HECTD4: variants seen among roughly 807,000 people sequenced by gnomAD.
The protein encoded by HECTD4 is HECT domain E3 ubiquitin protein ligase 4.
HECTD4 carries 114 observed loss-of-function variants against 471.5 expected under a neutral mutation model. The ratio of observed to expected loss-of-function variants is 0.24; its 90% CI spans 0.21 to 0.28. HECTD4 has a LOEUF of 0.28. Ranked by LOEUF, HECTD4 falls within the 10% of genes least tolerant of loss-of-function variation. HECTD4 has a pLI of 1.00. For missense variants in HECTD4, 3,866 were observed against 5,651.5 expected (o/e 0.68, Z 10.13); for synonymous variants, 2,012 against 2,256.0 (o/e 0.89, Z 3.07).
At position 112,163,438 on chromosome 12, in the gene HECTD4, C is replaced by T; in HGVS notation, c.12897+104G>A. ...ATACAGGTCTGTGGCAAGGACAGAG[C>T]TGAGACAGGCCACTGCCGATGCCTG... On this transcript the variant is annotated intron_variant, in intron 74 of 75. Coordinates refer to ENST00000682272, the MANE Select transcript of HECTD4 (RefSeq NM_001388303.1). This position sits in a 1 kb window ranked among gnomAD's most constrained non-coding sequence, Gnocchi z 8.2. 2.7e-6 allele frequency: 3 copies of T among 1,125,518 alleles called. No homozygotes were observed. The highest frequency in any genetic ancestry group is 3.7e-6 in the Non-Finnish European group (3 of 803,262). The allele number at this position is 1,125,518 out of a possible 1,614,324, so 69.7% of individuals were successfully genotyped here.
In HECTD4 at chr12:112,161,700, C is replaced by G. The variant is rs1414672491; in HGVS notation, c.*687G>C. ...TTAAGTCTCCTGCTCCCGAGGAGGC[C>G]TCAGATGAAAACTGTCAGACCAGGG... On this transcript the variant is annotated 3_prime_UTR_variant, in exon 76 of 76. Transcript: ENST00000682272. The G allele has an allele frequency of 6.6e-6, 1 of 152,184 alleles. No homozygotes were observed. The highest frequency in any genetic ancestry group is 2.4e-5 in the African/African-American group (1 of 41,406). The allele number at this position is 152,184 out of a possible 1,614,324, so 9.4% of individuals were successfully genotyped here. A position where few individuals can be genotyped will look rare whatever the true frequency, so the allele number is the denominator to read the frequency against.
At position 112,319,817 on chromosome 12, in the gene HECTD4, A is replaced by G. The variant is rs2035549066; in HGVS notation, c.178-75T>C. The G allele has an allele frequency of 9.1e-7, 1 of 1,098,066 alleles. No homozygotes were observed. The highest frequency in any genetic ancestry group is 1.2e-6 in the Non-Finnish European group (1 of 864,114). The allele number at this position is 1,098,066 out of a possible 1,614,324, so 68.0% of individuals were successfully genotyped here. On this transcript the variant is annotated intron_variant, in intron 1 of 75. Transcript: ENST00000682272. This position sits in a 1 kb window ranked among gnomAD's most constrained non-coding sequence, Gnocchi z 5.3. Reference sequence around the variant, plus strand: ...TCATCTAAGGAAGAAAATATGTTTAATGATATCCCAAAATAGTCAACGCCA... The same window carrying G: ...TCATCTAAGGAAGAAAATATGTTTAGTGATATCCCAAAATAGTCAACGCCA...
In HECTD4 at chr12:112,239,227, C is replaced by G; in HGVS notation, c.5115G>C (p.Glu1705Asp). The G allele has an allele frequency of 6.2e-7, 1 of 1,610,394 alleles. No individual in the cohort carries two copies. The highest frequency in any genetic ancestry group is 8.5e-7 in the Non-Finnish European group (1 of 1,178,378). Reference protein sequence around the residue: ...LCTIPYTRSEEKCLVRSGLVQ... With the variant: ...LCTIPYTRSEDKCLVRSGLVQ... ...CAAGGCCACTGCGTACCAGGCACTT[C>G]TCTTCGCTCCTGACAAAGGGTCATG... Residue 1705 changes from glutamate to aspartate, a missense_variant, in exon 34 of 76, where the codon GAG becomes GAC. This residue lies in a region of HECTD4 where 229 missense variants were observed against 386.4 expected (regional missense o/e 0.59). Coordinates refer to ENST00000682272, the MANE Select transcript of HECTD4 (RefSeq NM_001388303.1). This position sits in a 1 kb window ranked among gnomAD's most constrained non-coding sequence, Gnocchi z 4.9.
At chr12:112,221,869 C>T (rs972632049) in intron 44 of HECTD4, among the ~76,000 whole-genome samples, 8 of 151,610 alleles carry the variant, frequency 5.3e-5, no homozygotes, top group Non-Finnish European at 1.2e-4. Context: ...ATTCTCCTGC[C>T]TCAGCCTCCT....
chr12:112,252,656 CT>C, intron 22 of HECTD4, 128 bp from the exon 23 acceptor site: 6 of 1,094,322 alleles, frequency 5.5e-6, no homozygotes, highest in Admixed American at 2.4e-5. Context: ...TTCTCATTTG[CT>C]TTTTGATTCA....
At chr12:112,374,792 G>A (rs893738758) in intron 1 of HECTD4, among the ~76,000 whole-genome samples, 2 of 152,222 alleles carry the variant, frequency 1.3e-5, no homozygotes, top group East Asian at 1.9e-4. Flanking sequence ...TGTATGATAA[G>A]TATTTAAAGC....
intron 50 of HECTD4, among the ~76,000 whole-genome samples, chr12:112,209,414 C>T (rs752004513): frequency 2.0e-5 from 3 of 151,674 alleles, no homozygotes; most frequent in Non-Finnish European, 2.9e-5. Flanking sequence ...GCAACCTCCA[C>T]CTCCCGGTTC....
At position 112,213,551 on chromosome 12, in the gene HECTD4, T is replaced by C. The variant is rs1160780202; in HGVS notation, c.7466-901A>G. Among the ~76,000 whole-genome samples, 2 of 151,528 alleles carry C rather than the reference T, an allele frequency of 1.3e-5. No individual in the cohort carries two copies. The highest frequency in any genetic ancestry group is 4.8e-5 in the African/African-American group (2 of 41,258). ...AATACAAAAATTTCGCCGGGCTAGG[T>C]GGCAGGCACCTGTAGTCCCAGCTAC... On this transcript the variant is annotated intron_variant, in intron 48 of 75. Transcript: ENST00000682272. This position sits in a 1 kb window ranked among gnomAD's most constrained non-coding sequence, Gnocchi z 4.0.
intron 55 of HECTD4, 94 bp from the exon 56 acceptor site, chr12:112,195,160 G>A: frequency 9.2e-7 from 1 of 1,087,740 alleles, no homozygotes; most frequent in Non-Finnish European, 1.3e-6. Context: ...AAAGGATCCT[G>A]CCTCAGGCTT....
Position 112,308,849 on chromosome 12 carries a change from C to T in HECTD4, c.1068G>A (p.Trp356Ter). 6.5e-7 allele frequency: 1 copy of T among 1,536,034 alleles called. No homozygotes were observed. Among genetic ancestry groups the T allele is most frequent in the Non-Finnish European group, 8.7e-7 (1 of 1,146,860 alleles). Residue 356 changes from tryptophan (W) to a stop codon, truncating the protein, a stop_gained, in exon 6 of 76, where the codon TGG becomes TGA. Transcript: ENST00000682272. LOFTEE classifies it high-confidence loss of function. ...YCRNEELEPG[W>*]VAFGSGSLLH... ...GAAGACTGCCGCTGCCAAAAGCCAC[C>T]CATCCTGGTTCCAACTCCTCGTTCC... is the stretch of plus-strand genomic sequence containing the variant.
intron 25 of HECTD4, among the ~76,000 whole-genome samples, chr12:112,248,855 G>A (rs2135586470): frequency 6.6e-6 from 1 of 152,310 alleles, no homozygotes; most frequent in East Asian, 1.9e-4. Flanking sequence ...AAAGTATTGG[G>A]ATTACAGGCA....
intron 1 of HECTD4, among the ~76,000 whole-genome samples, chr12:112,340,193 T>G (rs2036031062): frequency 2.0e-5 from 3 of 152,222 alleles, no homozygotes; most frequent in Non-Finnish European, 4.4e-5. Context: ...TGGTTGTTAT[T>G]CCAGTACTGG....
At chr12:112,314,931 T>A (rs962464988) in intron 2 of HECTD4, among the ~76,000 whole-genome samples, 1 of 152,238 alleles carries the variant, frequency 6.6e-6, no homozygotes, top group Non-Finnish European at 1.5e-5. Context: ...GGCTTGATTT[T>A]AAAATCTTTG....
chr12:112,239,057 T>C lies in HECTD4; in HGVS notation c.5285A>G (p.Glu1762Gly). ...AAAGGAGTCTGGCATCTCACCTTCC[T>C]CTTTTTCCCACTCAACACAGCGGTT... ...LANRCVEWEK[E>G]EGGSTEAVHS... Residue 1762 changes from glutamate (E) to glycine (G), a missense_variant, in exon 34 of 76, where the codon GAG becomes GGG. Transcript: ENST00000682272. This position sits in a 1 kb window ranked among gnomAD's most constrained non-coding sequence, Gnocchi z 4.9. 1 of 1,610,356 alleles carries C rather than the reference T, an allele frequency of 6.2e-7. No individual in the cohort carries two copies. Among genetic ancestry groups the C allele is most frequent in the African/African-American group, 1.3e-5 (1 of 74,924 alleles).
chr12:112,281,789 T>C (rs1170496430), intron 8 of HECTD4, among the ~76,000 whole-genome samples: 1 of 152,182 alleles, frequency 6.6e-6, no homozygotes, highest in Non-Finnish European at 1.5e-5. Flanking sequence ...AAATAAAGCA[T>C]AAGATTACAC....
intron 59 of HECTD4, 62 bp from the exon 60 acceptor site, chr12:112,191,027 C>T (rs877594): frequency 4.8e-4 from 670 of 1,398,230 alleles, no homozygotes; most frequent in Admixed American, 7.0e-4. Flanking sequence ...ATAAGCCTCA[C>T]AAAAGGTCCT....
intron 69 of HECTD4, 99 bp from the exon 70 acceptor site, chr12:112,169,757 C>T: frequency 7.2e-7 from 1 of 1,380,712 alleles, no homozygotes; most frequent in Non-Finnish European, 1.0e-6. Flanking sequence ...GTGCCTGTCC[C>T]TGGACCCCTG....
intron 72 of HECTD4, among the ~76,000 whole-genome samples, chr12:112,164,624 T>C (rs2030852165): frequency 7.0e-6 from 1 of 143,060 alleles, no homozygotes; most frequent in East Asian, 2.0e-4. Context: ...TTATGCTTGC[T>C]TTTTTTTTTT....
rs754690985 is a variant in HECTD4 at position 112,239,911 on chromosome 12, A to G, written c.5075T>C (p.Ile1692Thr). The G allele has an allele frequency of 1.2e-5, 20 of 1,614,058 alleles. No homozygotes were observed. The highest frequency in any genetic ancestry group is 1.6e-5 in the Non-Finnish European group (19 of 1,179,888). The change falls in exon 33 of 76, where the codon ATT (isoleucine) becomes ACT (threonine). Residue 1692 changes from isoleucine (I) to threonine (T), a missense_variant. Ile to Thr is a moderately conservative substitution (Grantham distance 89). Transcript: ENST00000682272. The surrounding 1 kb of genome is among the most constrained non-coding windows in gnomAD (Gnocchi z 4.9). ...GTAAGGTATGGTACATAAGAGTCCA[A>G]TGCTATTTGCGCAAGCGATAGGGTA... is the stretch of plus-strand genomic sequence containing the variant. The part of the protein sequence containing the change: ...ARYPIACANS[I>T]GLLCTIPYTR...
Sources: gnomAD v4.1 joint callset for allele counts (sites outside exome capture counted in the v4.1 genomes callset) on GRCh38, gnomAD v4.1.1 for gene constraint, gnomAD v4.1.1 regional missense constraint, Gnocchi (gnomAD v3.1) non-coding constraint, MANE v1.5 for transcripts, NCBI Gene and HGNC (gene_info 2026-07-23, HGNC 2026-07-21) for gene names.